ADAM22: variants seen among roughly 807,000 people sequenced by gnomAD.
ADAM22 encodes the protein disintegrin and metalloproteinase domain-containing protein 22.
A neutral mutation model predicts 144.6 loss-of-function variants in ADAM22; 65 were observed. The ratio of observed to expected loss-of-function variants is 0.45; its 90% CI spans 0.37 to 0.55. ADAM22 has a LOEUF of 0.55. Ranked by LOEUF, ADAM22 falls within the 20% of genes least tolerant of loss-of-function variation. The pLI is 0.00. For synonymous variants in ADAM22, 391 were observed against 412.6 expected, an observed-to-expected ratio of 0.95 and a Z score of 0.63; for missense variants, 974 against 1,184.9, an observed-to-expected ratio of 0.82 and a Z score of 2.61.
At chr7:88,032,147 C>A (rs955482892) in intron 3 of ADAM22, among the ~76,000 whole-genome samples, 3 of 152,188 alleles carry the variant, frequency 2.0e-5, no homozygotes, top group South Asian at 4.1e-4. Context: ...AAGAAGGCCA[C>A]CATTCTCCAA....
intron 2 of ADAM22, among the ~76,000 whole-genome samples, chr7:87,938,939 G>A (rs553517730): frequency 2.0e-4 from 30 of 152,298 alleles, no homozygotes; most frequent in South Asian, 6.2e-4. Context: ...GTGAACCACC[G>A]CGGCTGGCCT....
intron 3 of ADAM22, among the ~76,000 whole-genome samples, chr7:88,074,772 T>A (rs1285018132): frequency 6.6e-6 from 1 of 152,170 alleles, no homozygotes; most frequent in African/African-American, 2.4e-5. Flanking sequence ...TTCAAGCAAT[T>A]GTAGGCATGG....
chr7:88,078,391 T>A (rs1815323604), intron 4 of ADAM22, among the ~76,000 whole-genome samples: 1 of 151,936 alleles, frequency 6.6e-6, no homozygotes, highest in Non-Finnish European at 1.5e-5. Context: ...ACCACAAAGA[T>A]GGGGAAAAAA....
At chr7:87,981,031 C>T (rs966340225) in intron 3 of ADAM22, among the ~76,000 whole-genome samples, 2 of 152,114 alleles carry the variant, frequency 1.3e-5, no homozygotes, top group Non-Finnish European at 2.9e-5. Flanking sequence ...ATTATCTGAG[C>T]AATTCAGTCC....
intron 2 of ADAM22, among the ~76,000 whole-genome samples, chr7:87,954,375 A>T (rs1429602708): frequency 6.6e-6 from 1 of 151,864 alleles, no homozygotes; most frequent in Non-Finnish European, 1.5e-5. Context: ...TTGTCTGTAA[A>T]GTATTTTATT....
intron 26 of ADAM22, among the ~76,000 whole-genome samples, chr7:88,173,596 A>G (rs1023538096): frequency 9.2e-5 from 14 of 152,060 alleles, no homozygotes; most frequent in African/African-American, 3.4e-4. Flanking sequence ...AAAATATTCA[A>G]TCTTATAAAA....
intron 22 of ADAM22, among the ~76,000 whole-genome samples, chr7:88,158,825 A>G (rs1420315635): frequency 6.6e-6 from 1 of 152,112 alleles, no homozygotes; most frequent in Non-Finnish European, 1.5e-5. Context: ...TCAAATTAAC[A>G]ATCTAACATC....
chr7:88,107,645 G>A (rs947624003), intron 4 of ADAM22, among the ~76,000 whole-genome samples: 2 of 152,052 alleles, frequency 1.3e-5, no homozygotes, highest in African/African-American at 4.8e-5. Context: ...GAGTGCAGTA[G>A]CACAATCACA....
chr7:87,954,239 G>A (rs897604709), intron 2 of ADAM22, among the ~76,000 whole-genome samples: 6 of 151,950 alleles, frequency 3.9e-5, no homozygotes, highest in African/African-American at 9.7e-5. Context: ...TCCTAGTCTC[G>A]ATGGTCTTTA....
intron 4 of ADAM22, among the ~76,000 whole-genome samples, chr7:88,076,054 G>A (rs145605233): frequency 0.013 from 1,964 of 151,976 alleles, 18 homozygotes; most frequent in Admixed American, 0.025. Context: ...CGCTCTTGTC[G>A]CCCAGCTGGA....
Position 87,934,303 on chromosome 7 carries a change from T to G in ADAM22, c.-163T>G. 1.7e-6 allele frequency: 1 copy of G among 605,672 alleles called. No individual in the cohort carries two copies. Among genetic ancestry groups the G allele is most frequent in the Non-Finnish European group, 2.8e-6 (1 of 362,508 alleles). The allele number at this position is 605,672 out of a possible 1,614,324, so 37.5% of individuals were successfully genotyped here. ...GCGTCCGCGAAGCACAATGCAGCAC[T>G]GAGCCGCGGTGGAGGTTGCAGCGCC... On this transcript the variant is annotated 5_prime_UTR_variant, in exon 1 of 32. An upstream open reading frame in the 5' UTR loses its in-frame stop. Coordinates refer to ENST00000413139, the MANE Select transcript of ADAM22 (RefSeq NM_001324418.2).
At chr7:88,134,269 G>A in intron 12 of ADAM22, 60 bp from the exon 13 acceptor site, 1 of 1,300,858 alleles carries the variant, frequency 7.7e-7, no homozygotes, top group South Asian at 1.3e-5. Flanking sequence ...ATTTTTCTCT[G>A]GTTCTTTGTC....
At chr7:88,023,493 C>T (rs767960825) in intron 3 of ADAM22, among the ~76,000 whole-genome samples, 50 of 152,144 alleles carry the variant, frequency 3.3e-4, no homozygotes, top group Non-Finnish European at 6.2e-4. Flanking sequence ...GATCTCAGCT[C>T]ATTGCAACCT....
At chr7:88,009,091 T>G (rs887660799) in intron 3 of ADAM22, among the ~76,000 whole-genome samples, 1 of 152,152 alleles carries the variant, frequency 6.6e-6, no homozygotes, top group Non-Finnish European at 1.5e-5. Flanking sequence ...TTTAGTCAAA[T>G]TTGGGAAAAC....
chr7:88,134,106 C>G (rs574252514), intron 12 of ADAM22, among the ~76,000 whole-genome samples: 18 of 152,252 alleles, frequency 1.2e-4, no homozygotes, highest in African/African-American at 4.3e-4. Flanking sequence ...TGATTATTTC[C>G]TGACTTCTAG....
intron 3 of ADAM22, among the ~76,000 whole-genome samples, chr7:87,999,650 G>A (rs997054694): frequency 6.6e-6 from 1 of 152,128 alleles, no homozygotes. Flanking sequence ...AAAACTTAGA[G>A]GGGAAACTTA....
At chr7:88,043,419 A>G (rs1803674713) in intron 3 of ADAM22, among the ~76,000 whole-genome samples, 1 of 150,514 alleles carries the variant, frequency 6.6e-6, no homozygotes, top group South Asian at 2.1e-4. Flanking sequence ...TGGGTGGCAG[A>G]GCTTGCAGTG....
At chr7:88,054,436 G>A (rs1264985435) in intron 3 of ADAM22, among the ~76,000 whole-genome samples, 1 of 151,986 alleles carries the variant, frequency 6.6e-6, no homozygotes, top group Non-Finnish European at 1.5e-5. Context: ...TGCCTATTAT[G>A]TGCCTGTTCC....
intron 3 of ADAM22, among the ~76,000 whole-genome samples, chr7:88,060,935 C>G (rs756641278): frequency 6.6e-6 from 1 of 151,866 alleles, no homozygotes; most frequent in African/African-American, 2.4e-5. Flanking sequence ...GAAACCCTGT[C>G]TCTACTAAAA....
Sources: allele counts gnomAD v4.1 joint callset (sites outside exome capture counted in the v4.1 genomes callset), GRCh38; gene constraint gnomAD v4.1.1; transcripts MANE v1.5; gene names NCBI Gene and HGNC (gene_info 2026-07-23, HGNC 2026-07-21).